FGF13: variants seen among roughly 807,000 people sequenced by gnomAD.
FGF13 encodes fibroblast growth factor homologous factor 2.
In FGF13, 2 loss-of-function variants were observed where a neutral mutation model predicts 19.5. That is an observed-to-expected ratio of 0.10 (90% confidence interval 0.04 to 0.32). FGF13 has a LOEUF of 0.32. Ranked by LOEUF, FGF13 falls within the 10% of genes least tolerant of loss-of-function variation. The probability of loss-of-function intolerance (pLI) is 1.00; values close to 1 mark genes in which losing one functional copy is unlikely to be tolerated. For synonymous variants in FGF13, 72 were observed against 76.9 expected (o/e 0.94, Z 0.33); for missense variants, 113 against 192.7 (o/e 0.59, Z 2.45).
intron 1 of FGF13, among the ~76,000 whole-genome samples, chrX:138,900,981 C>A (rs566423054): frequency 8.9e-6 from 1 of 111,865 alleles, no homozygotes; most frequent in South Asian, 3.8e-4. Flanking sequence ...CCAACTCGAC[C>A]CCACCTTAAG....
In FGF13 at chrX:138,857,552, C is replaced by A; in HGVS notation, c.90G>T (p.Pro30=). The change falls in exon 3 of 3, where the codon CCG becomes CCT. Residue 30 remains proline, a synonymous_variant. Coordinates refer to the FGF13 transcript ENST00000421460. ...TCTCTTTGTGGTGTACTTGCTTCAG[C>A]GGGCAGCAGAAGATTTCGTGACACT... 5 of 1,206,757 alleles carry A rather than the reference C, an allele frequency of 4.1e-6. No individual in the cohort carries two copies. Among genetic ancestry groups the A allele is most frequent in the Non-Finnish European group, 5.6e-6 (5 of 893,134 alleles).
At chrX:138,983,976 A>G (rs2091975504) in intron 1 of FGF13, among the ~76,000 whole-genome samples, 2 of 112,265 alleles carry the variant, frequency 1.8e-5, no homozygotes, top group African/African-American at 6.5e-5. Flanking sequence ...AAATGTGTTT[A>G]AAAAGAAAGG....
In FGF13 at chrX:138,876,766, C is replaced by A. The variant is rs185690686; in HGVS notation, c.-112-12116G>T. Among the ~76,000 whole-genome samples the A allele has an allele frequency of 2.7e-5, 3 of 112,059 alleles. No individual in the cohort carries two copies. In the East Asian group the frequency reaches 8.4e-4, roughly 31 times the overall value. On this transcript the variant is annotated intron_variant, in intron 1 of 2. Transcript: ENST00000421460. Reference sequence around the variant, plus strand: ...CCCCAAATGTGCTGTCATTTTGAGACTTTGAGTGTTAAGTTTGAAGAAACA... The same window carrying A: ...CCCCAAATGTGCTGTCATTTTGAGAATTTGAGTGTTAAGTTTGAAGAAACA...
chrX:139,080,161 C>T (rs757070634), intron 1 of FGF13, among the ~76,000 whole-genome samples: 1 of 111,333 alleles, frequency 9.0e-6, no homozygotes, highest in Non-Finnish European at 1.9e-5. Flanking sequence ...TTCTACAAGG[C>T]CCCCATGCCC....
chrX:139,121,831 AC>A (rs747755609), intron 1 of FGF13, among the ~76,000 whole-genome samples: 1 of 111,583 alleles, frequency 9.0e-6, no homozygotes, highest in East Asian at 2.9e-4. Flanking sequence ...GTGGGGAAGC[AC>A]CAAGGCCAGT....
intron 1 of FGF13, among the ~76,000 whole-genome samples, chrX:139,035,895 T>C (rs2092249039): frequency 8.9e-6 from 1 of 111,971 alleles, no homozygotes; most frequent in African/African-American, 3.2e-5. Flanking sequence ...CACAAGCACA[T>C]TTCTCAGCAG....
At chrX:138,729,274 A>G (rs1245038126) in intron 1 of FGF13, among the ~76,000 whole-genome samples, 1 of 111,397 alleles carries the variant, frequency 9.0e-6, no homozygotes. Flanking sequence ...TAGTGAGAAA[A>G]GCAAATGACA....
chrX:138,690,985 T>G (rs1042449361), intron 3 of FGF13, among the ~76,000 whole-genome samples: 3 of 111,467 alleles, frequency 2.7e-5, no homozygotes, highest in Non-Finnish European at 5.7e-5. Flanking sequence ...GTGCCTAGTA[T>G]CTTATGGATA....
At chrX:138,867,455 C>A (rs138166552) in intron 1 of FGF13, among the ~76,000 whole-genome samples, 3,619 of 109,832 alleles carry the variant, frequency 0.033, 158 homozygotes, top group African/African-American at 0.11. Context: ...AAAGACATAC[C>A]CCAGACTGGA....
intron 1 of FGF13, among the ~76,000 whole-genome samples, chrX:138,934,596 A>G (rs2091721862): frequency 8.9e-6 from 1 of 112,719 alleles, no homozygotes; most frequent in South Asian, 3.7e-4. Flanking sequence ...CTCTGCTTAC[A>G]GCTTTGAAAA....
At chrX:138,795,050 T>C (rs1018466794) in intron 3 of FGF13, among the ~76,000 whole-genome samples, 19 of 111,687 alleles carry the variant, frequency 1.7e-4, no homozygotes, top group African/African-American at 5.2e-4. Flanking sequence ...ACTCAGAGTA[T>C]AGGAGGGGTC....
intron 1 of FGF13, among the ~76,000 whole-genome samples, chrX:138,985,843 A>C (rs2091992665): frequency 8.9e-6 from 1 of 112,448 alleles, no homozygotes; most frequent in African/African-American, 3.2e-5. Flanking sequence ...CATTTTTGAT[A>C]AATAAAAGCC....
intron 3 of FGF13, among the ~76,000 whole-genome samples, chrX:138,747,767 G>A (rs1158773805): frequency 3.6e-5 from 4 of 111,485 alleles, no homozygotes; most frequent in Admixed American, 1.9e-4. Context: ...CAGATGGCCA[G>A]AGCGGGATGA....
At chrX:138,937,128 A>G (rs1463238093) in intron 1 of FGF13, among the ~76,000 whole-genome samples, 1 of 109,907 alleles carries the variant, frequency 9.1e-6, no homozygotes, top group Non-Finnish European at 1.9e-5. Context: ...TCCTTTATAG[A>G]GCTTAGTAGA....
chrX:138,815,429 G>A lies in FGF13; in HGVS notation c.217+42083C>T, dbSNP rs185149853. ...TATACATATATCAAAATGTCACACCGTACATTGTAAATACGTAAAATTTTT... is the reference window on the plus strand; with the variant it reads ...TATACATATATCAAAATGTCACACCATACATTGTAAATACGTAAAATTTTT... On this transcript the variant is annotated intron_variant, in intron 3 of 6. Transcript: ENST00000436198. Among the ~76,000 whole-genome samples the A allele has an allele frequency of 4.7e-3, 516 of 110,360 alleles. 11 individuals are homozygous for A. The highest frequency in any genetic ancestry group is 0.042 in the Admixed American group (433 of 10,245).
chrX:138,831,313 C>A (rs1166788618), intron 3 of FGF13, among the ~76,000 whole-genome samples: 1 of 110,908 alleles, frequency 9.0e-6, no homozygotes, highest in Non-Finnish European at 1.9e-5. Flanking sequence ...GAAAGGCAAC[C>A]TCAGAGAATC....
intron 1 of FGF13, among the ~76,000 whole-genome samples, chrX:138,969,922 C>T (rs1173765771): frequency 9.0e-6 from 1 of 111,686 alleles, no homozygotes; most frequent in African/African-American, 3.3e-5. Context: ...AAAATGGCAA[C>T]AATCTTAGAC....
chrX:138,781,970 G>T (rs1209513314), intron 3 of FGF13, among the ~76,000 whole-genome samples: 1 of 111,761 alleles, frequency 8.9e-6, no homozygotes, highest in Non-Finnish European at 1.9e-5. Context: ...ATGTTCAAGT[G>T]GGCTTCATCC....
intron 3 of FGF13, among the ~76,000 whole-genome samples, chrX:138,756,249 A>G (rs1471215818): frequency 8.9e-6 from 1 of 112,745 alleles, no homozygotes; most frequent in Non-Finnish European, 1.9e-5. Context: ...ATTCCTGTCA[A>G]ACCAGAGAAA....
Sources: allele counts gnomAD v4.1 joint callset (sites outside exome capture counted in the v4.1 genomes callset), GRCh38; gene constraint gnomAD v4.1.1; transcripts MANE v1.5; gene names NCBI Gene and HGNC (gene_info 2026-07-23, HGNC 2026-07-21).